Variants in DDX60L observed in about 807,000 individuals in gnomAD.
DDX60L encodes probable ATP-dependent RNA helicase DDX60-like.
DDX60L carries 191 observed loss-of-function variants against 211.6 expected under a neutral mutation model. The ratio of observed to expected loss-of-function variants is 0.90; its 90% CI spans 0.80 to 1.02. The LOEUF is 1.02. Among genes scored for constraint, DDX60L ranks in the 50% least tolerant of loss-of-function variants. The pLI is 0.00. For missense variants in DDX60L, 2,007 were observed against 1,984.1 expected (o/e 1.01, Z -0.22); for synonymous variants, 706 against 694.1 (o/e 1.02, Z -0.27).
At chr4:168,424,920 G>C (rs1751217173) in intron 14 of DDX60L, among the ~76,000 whole-genome samples, 1 of 152,108 alleles carries the variant, frequency 6.6e-6, no homozygotes, top group Non-Finnish European at 1.5e-5. Context: ...AAAATTGGTG[G>C]AATTTCTGGG....
chr4:168,395,503 TAAA>T (rs1745612182), intron 27 of DDX60L, among the ~76,000 whole-genome samples: 1 of 152,220 alleles, frequency 6.6e-6, no homozygotes, highest in African/African-American at 2.4e-5. Context: ...GCAATGGACA[TAAA>T]TTACTTGCAT....
intron 3 of DDX60L, 57 bp from the exon 4 acceptor site, chr4:168,471,993 CTGT>C: frequency 4.3e-6 from 6 of 1,393,856 alleles, no homozygotes; most frequent in Non-Finnish European, 5.9e-6. Context: ...GACTTTGTTG[CTGT>C]TGTTGTTACT....
Position 168,391,622 on chromosome 4 carries a change from AG to A in DDX60L, c.3832del (p.Ala1279ProfsTer2). ...LIRVVTATET[L>X]ALGIHMPCKS... ...GCATGGCATGTGGATCCCTAAGGCA[AG>A]TGTTTCAGTAGCTGTCACTACCTAG... On this transcript the variant is annotated frameshift_variant, in exon 29 of 38. Coordinates refer to ENST00000682922, the MANE Select transcript of DDX60L (RefSeq NM_001012967.3). LOFTEE classifies it high-confidence loss of function. The A allele has an allele frequency of 6.3e-7, 1 of 1,579,916 alleles. No homozygotes were observed. The highest frequency in any genetic ancestry group is 8.6e-7 in the Non-Finnish European group (1 of 1,158,660).
rs1224522263 is a variant in DDX60L at position 168,384,759 on chromosome 4, G to C, written c.3969C>G (p.Phe1323Leu). The change falls in exon 30 of 38, where the codon TTC becomes TTG. Residue 1323 changes from phenylalanine to leucine, a missense_variant. Coordinates refer to ENST00000682922, the MANE Select transcript of DDX60L (RefSeq NM_001012967.3). ...RGQDLLGNVY[F>L]FDIPLPKIKR... ...TTATTTTGGGCAATGGGATATCAAAGAAATACACATTTCCAAGCAGGTCTT... is the reference window on the plus strand; with the variant it reads ...TTATTTTGGGCAATGGGATATCAAACAAATACACATTTCCAAGCAGGTCTT... The C allele has an allele frequency of 1.2e-6, 2 of 1,613,596 alleles. No individual in the cohort carries two copies. The highest frequency in any genetic ancestry group is 1.3e-5 in the African/African-American group (1 of 74,916).
At chr4:168,375,644 T>G in intron 33 of DDX60L, 120 bp from the exon 34 acceptor site, 1 of 952,494 alleles carries the variant, frequency 1.0e-6, no homozygotes, top group Non-Finnish European at 1.5e-6. Flanking sequence ...AACCCTTGAT[T>G]ACTTTACTCA....
chr4:168,431,577 A>G (rs567676947), intron 12 of DDX60L, among the ~76,000 whole-genome samples: 1,686 of 150,196 alleles, frequency 0.011, 21 homozygotes, highest in Non-Finnish European at 0.019. Flanking sequence ...GGGGAGGGAT[A>G]GCATTAAGAG....
rs760267266 is a variant in DDX60L at position 168,472,455 on chromosome 4, C to A, written c.74G>T (p.Gly25Val). 9 of 1,559,218 alleles carry A rather than the reference C, an allele frequency of 5.8e-6. No individual in the cohort carries two copies. The change falls in exon 3 of 38, where the codon GGG becomes GTG. Residue 25 changes from glycine (G) to valine (V), a missense_variant and splice_region_variant. By Grantham distance (109) the Gly-to-Val change is moderately radical (BLOSUM62 -3). Transcript: ENST00000682922. Reference sequence around the variant, plus strand: ...TTCTTTTTTACTTCACAGTACTTACCCAGCTTTTGGCATTTCATTCAAAAT... The same window carrying A: ...TTCTTTTTTACTTCACAGTACTTACACAGCTTTTGGCATTTCATTCAAAAT... Reference protein sequence around the residue: ...QLILNEMPKAGYSSILNDFVE... With the variant: ...QLILNEMPKAVYSSILNDFVE...
intron 35 of DDX60L, among the ~76,000 whole-genome samples, chr4:168,373,312 A>G (rs560860359): frequency 2.6e-5 from 4 of 152,246 alleles, no homozygotes; most frequent in Admixed American, 6.5e-5. Flanking sequence ...ACTGTCCCCA[A>G]AGATCCATGT....
At chr4:168,402,886 G>A (rs1254372198) in intron 25 of DDX60L, among the ~76,000 whole-genome samples, 1 of 152,118 alleles carries the variant, frequency 6.6e-6, no homozygotes, top group Non-Finnish European at 1.5e-5. Context: ...CAAAGATCTC[G>A]TTCCCAAACA....
At position 168,415,764 on chromosome 4, in the gene DDX60L, G is replaced by T. The variant is rs1359995409; in HGVS notation, c.2762C>A (p.Ala921Glu). The T allele has an allele frequency of 3.2e-6, 5 of 1,583,680 alleles. No individual in the cohort carries two copies. Among genetic ancestry groups the T allele is most frequent in the Non-Finnish European group, 4.3e-6 (5 of 1,163,728 alleles). ...ACATTTCTCTTCCATAATCTTGTCT[G>T]CCTGTTTCCAGTACTGTTTTACTGA... ...LQSVKQYWKQ[A>E]DKIMEEKCIS... The change falls in exon 21 of 38, where the codon GCA (alanine) becomes GAA (glutamate). Residue 921 changes from alanine to glutamate, a missense_variant. By Grantham distance (107) the Ala-to-Glu change is moderately radical (BLOSUM62 -1). Transcript: ENST00000682922.
In DDX60L at chr4:168,422,666, CCTAT is replaced by C; in HGVS notation, c.2098_2101del (p.Ile700GlufsTer27). The C allele has an allele frequency of 6.3e-7, 1 of 1,577,150 alleles. No homozygotes were observed. The highest frequency in any genetic ancestry group is 1.2e-5 in the South Asian group (1 of 85,176). ...ATATTTCTTCTTATTTTTGTCATCT[CCTAT>C]CTGTTATTTTAATATATTATTTGAA... On this transcript the variant is annotated frameshift_variant and splice_region_variant, in exon 16 of 38. Coordinates refer to ENST00000682922, the MANE Select transcript of DDX60L (RefSeq NM_001012967.3). LOFTEE classifies it high-confidence loss of function.
At position 168,394,616 on chromosome 4, in the gene DDX60L, G is replaced by A. The variant is rs1745451861; in HGVS notation, c.3659C>T (p.Thr1220Ile). 3.8e-6 allele frequency: 6 copies of A among 1,586,780 alleles called. No individual in the cohort carries two copies. Among genetic ancestry groups the A allele is most frequent in the Non-Finnish European group, 3.4e-6 (4 of 1,171,772 alleles). Residue 1220 changes from threonine to isoleucine, a missense_variant and splice_region_variant, in exon 28 of 38, where the codon ACT becomes ATT. Transcript: ENST00000682922. ...CACTCGCGGTAATACCCTCTCCAAA[G>A]TCTAAAACAAGAAAGAAGTGTAAAA... Reference protein sequence around the residue: ...HTEITRNKDSTLERVLPRVRF... With the variant: ...HTEITRNKDSILERVLPRVRF...
chr4:168,401,309 C>T (rs75036907), intron 25 of DDX60L, among the ~76,000 whole-genome samples: 3,541 of 152,314 alleles, frequency 0.023, 145 homozygotes, highest in African/African-American at 0.081. Context: ...CCCAGACATC[C>T]CTTTCTGTTG....
Position 168,413,227 on chromosome 4 carries a change from T to C in DDX60L, c.2979+2181A>G, listed in dbSNP as rs76351690. On this transcript the variant is annotated intron_variant, in intron 22 of 37. Transcript: ENST00000682922. ...GGAACCAATTATGGAAAGACAAAGA[T>C]ATGTGACTTTTCAGGCCGATAATTT... 4.3e-3 allele frequency among the ~76,000 whole-genome samples: 651 copies of C among 152,246 alleles called. 6 individuals carry two copies. The highest frequency in any genetic ancestry group is 0.015 in the African/African-American group (632 of 41,532).
intron 13 of DDX60L, among the ~76,000 whole-genome samples, chr4:168,428,739 C>T (rs906154669): frequency 1.3e-5 from 2 of 152,204 alleles, no homozygotes; most frequent in Admixed American, 6.5e-5. Context: ...ATGAAATCCC[C>T]TCTGATGAAG....
intron 20 of DDX60L, among the ~76,000 whole-genome samples, chr4:168,416,166 C>T (rs1313951288): frequency 2.0e-5 from 3 of 152,128 alleles, no homozygotes; most frequent in Non-Finnish European, 2.9e-5. Flanking sequence ...CAATACTTGA[C>T]GTTCATATAA....
chr4:168,440,094 G>A (rs1016456410), intron 10 of DDX60L, among the ~76,000 whole-genome samples: 5 of 152,180 alleles, frequency 3.3e-5, no homozygotes, highest in South Asian at 2.1e-4. Context: ...GCATGATGGT[G>A]TACACCTGTA....
chr4:168,371,664 C>T lies in DDX60L; in HGVS notation c.4876G>A (p.Val1626Met), dbSNP rs764192569. 6.3e-7 allele frequency: 1 copy of T among 1,597,256 alleles called. No individual in the cohort carries two copies. The highest frequency in any genetic ancestry group is 8.5e-7 in the Non-Finnish European group (1 of 1,171,472). The change falls in exon 36 of 38, where the codon GTG (valine) becomes ATG (methionine). Residue 1626 changes from valine to methionine, a missense_variant. Val to Met is a conservative substitution (Grantham distance 21). Transcript: ENST00000682922. Reference protein sequence around the residue: ...RGRRMPLNAYVLNFYKHNCLT... With the variant: ...RGRRMPLNAYMLNFYKHNCLT... Reference sequence around the variant, plus strand: ...CAGTTGTGTTTATAGAAATTGAGCACATATGCATTTAGTGGCATTCTCCTT... The same window carrying T: ...CAGTTGTGTTTATAGAAATTGAGCATATATGCATTTAGTGGCATTCTCCTT...
chr4:168,387,543 T>G (rs1380729672), intron 29 of DDX60L, among the ~76,000 whole-genome samples: 1 of 152,240 alleles, frequency 6.6e-6, no homozygotes, highest in African/African-American at 2.4e-5. Context: ...ATCTGCAGAT[T>G]GTTTTTTATA....
Sources: allele counts gnomAD v4.1 joint callset (sites outside exome capture counted in the v4.1 genomes callset), GRCh38; gene constraint gnomAD v4.1.1; transcripts MANE v1.5; gene names NCBI Gene and HGNC (gene_info 2026-07-23, HGNC 2026-07-21).